The following DNMT1 variants were observed in gnomAD, a reference collection of about 807,000 sequenced individuals.
The protein encoded by DNMT1 is DNA methyltransferase 1, also known as DNA (cytosine-5)-methyltransferase 1.
Under a neutral mutation model 205.3 loss-of-function variants are expected in DNMT1, and 24 were observed. The ratio of observed to expected loss-of-function variants is 0.12; its 90% confidence interval spans 0.08 to 0.16. The LOEUF is 0.16. Among genes scored for constraint, DNMT1 ranks in the 10% least tolerant of loss-of-function variants. DNMT1 has a pLI of 1.00. For missense variants in DNMT1, 1,293 were observed against 2,177.7 expected (o/e 0.59, Z 8.09); for synonymous variants, 817 against 839.8 (o/e 0.97, Z 0.47).
In DNMT1 at chr19:10,140,025, G is replaced by A. The variant is rs754080024; in HGVS notation, c.3806+21C>T. On this transcript the variant is annotated intron_variant, in intron 33 of 40. Transcript: ENST00000359526. This position sits in a 1 kb window ranked among gnomAD's most constrained non-coding sequence, Gnocchi z 8.4. ...CAGCCCCGGGCCGTCTGGCAACACT[G>A]GGGGGCTTCTACCCGTTTACCTGAG... The A allele has an allele frequency of 3.1e-6, 5 of 1,604,910 alleles. No individual in the cohort carries two copies. In the Admixed American group the frequency reaches 6.7e-5, roughly 21 times the overall value.
chr19:10,168,448 C>G, intron 9 of DNMT1, 84 bp from the exon 10 acceptor site: 1 of 1,413,034 alleles, frequency 7.1e-7, no homozygotes, highest in Non-Finnish European at 1.0e-6. Context: ...AAATAAAACA[C>G]CTGAACTGAT....
At chr19:10,148,307 T>C (rs182129421) in intron 27 of DNMT1, among the ~76,000 whole-genome samples, 1,610 of 150,324 alleles carry the variant, frequency 0.011, 21 homozygotes, top group African/African-American at 0.031. Flanking sequence ...CCATCCTGGC[T>C]AACACAGTGA....
In DNMT1 at chr19:10,149,675, G is replaced by T; in HGVS notation, c.2382-18C>A. On this transcript the variant is annotated intron_variant, in intron 25 of 40. Transcript: ENST00000359526. ...CCGTGACCCTGGAATCAGAAGACGG[G>T]CATGGGGAGAAAGTTCTGACTTGGC... 1 of 1,613,204 alleles carries T rather than the reference G, an allele frequency of 6.2e-7. No homozygotes were observed. Among genetic ancestry groups the T allele is most frequent in the Non-Finnish European group, 8.5e-7 (1 of 1,180,026 alleles).
rs776032838 is a variant in DNMT1 at position 10,154,438 on chromosome 19, C to G, written c.1874G>C (p.Arg625Thr). The change falls in exon 22 of 41, where the codon AGG becomes ACG. Residue 625 changes from arginine to threonine, a missense_variant. Coordinates refer to ENST00000359526, the MANE Select transcript of DNMT1 (RefSeq NM_001130823.3). This position sits in a 1 kb window ranked among gnomAD's most constrained non-coding sequence, Gnocchi z 6.3. ...ARRQTIRHSTREKDRGPTKAT... is the reference protein window; with the variant it reads ...ARRQTIRHSTTEKDRGPTKAT... ...TTTCGTGGGTCCCCTGTCCTTCTCC[C>G]TGGTAGAATGCCTGATGGTCTGCCG... The G allele has an allele frequency of 1.2e-6, 2 of 1,614,232 alleles. No homozygotes were observed. Among genetic ancestry groups the G allele is most frequent in the Admixed American group, 3.3e-5 (2 of 60,026 alleles).
chr19:10,148,957 G>A lies in DNMT1; in HGVS notation c.2647C>T (p.Leu883=), dbSNP rs2038268965. 1 of 1,614,194 alleles carries A rather than the reference G, an allele frequency of 6.2e-7. No individual in the cohort carries two copies. Among genetic ancestry groups the A allele is most frequent in the Non-Finnish European group, 8.5e-7 (1 of 1,180,036 alleles). ...GDDGKTYFYQ[L]WYDQDYARFE... ...CTCGCGTAGTCTTGATCATACCACA[G>A]CTGGTAGAAGTAGGTCTTCCCGTCG... The change falls in exon 27 of 41, where the codon CTG becomes TTG. Residue 883 remains leucine (L), a synonymous_variant. Transcript: ENST00000359526.
chr19:10,169,591 G>A (rs941126150), intron 9 of DNMT1, among the ~76,000 whole-genome samples: 5 of 148,642 alleles, frequency 3.4e-5, no homozygotes, highest in South Asian at 2.1e-4. Flanking sequence ...AAATAACCCC[G>A]TCTCTACTAA....
At chr19:10,168,471 T>C in intron 9 of DNMT1, 107 bp from the exon 10 acceptor site, 1 of 1,179,764 alleles carries the variant, frequency 8.5e-7, no homozygotes, top group Non-Finnish European at 1.2e-6. Context: ...TAGAGTCCAC[T>C]GGTGGGAGTA....
At chr19:10,160,477 T>C in intron 13 of DNMT1, 59 bp from the exon 14 acceptor site, 13 of 1,582,696 alleles carry the variant, frequency 8.2e-6, no homozygotes, top group Non-Finnish European at 1.1e-5. Flanking sequence ...ACCCAGATAG[T>C]GCTTCGGTGT....
At chr19:10,135,564 G>A (rs1046928022) in intron 39 of DNMT1, 172 bp downstream of exon 39, 17 of 690,512 alleles carry the variant, frequency 2.5e-5, no homozygotes, top group East Asian at 1.9e-4. Flanking sequence ...AGCCTGACTC[G>A]GATGTCTCAG....
intron 13 of DNMT1, 36 bp downstream of exon 13, chr19:10,162,620 GAAAAAAAAAAA>G (rs573823039): frequency 1.4e-5 from 19 of 1,316,424 alleles, no homozygotes; most frequent in Non-Finnish European, 1.9e-5. Flanking sequence ...CCGTCTTGGG[GAAAAAAAAAAA>G]AAAAAAAAAG....
chr19:10,180,712 T>C (rs758696489), intron 3 of DNMT1, 66 bp downstream of exon 3: 16 of 1,540,430 alleles, frequency 1.0e-5, no homozygotes, highest in Non-Finnish European at 1.4e-5. Flanking sequence ...GCTGCCTCCC[T>C]GGTCACAGAC....
intron 30 of DNMT1, 122 bp downstream of exon 30, chr19:10,141,905 AC>A (rs977988881): frequency 8.2e-7 from 1 of 1,215,046 alleles, no homozygotes; most frequent in African/African-American, 1.5e-5. Context: ...ACGTCAGCCA[AC>A]CACCCACTTC....
At chr19:10,160,900 G>A (rs1337376404) in intron 13 of DNMT1, among the ~76,000 whole-genome samples, 1 of 152,068 alleles carries the variant, frequency 6.6e-6, no homozygotes, top group Non-Finnish European at 1.5e-5. Flanking sequence ...CAAAATAAAT[G>A]AATAAATAAA....
chr19:10,138,331 T>C lies in DNMT1; in HGVS notation c.4115+108A>G. ...GCAGAGCACCGTGTGGCAGGGCAGATGCTGTACCATCCTCTCCTCCCCAAG... is the reference window on the plus strand; with the variant it reads ...GCAGAGCACCGTGTGGCAGGGCAGACGCTGTACCATCCTCTCCTCCCCAAG... On this transcript the variant is annotated intron_variant, in intron 35 of 40. Coordinates refer to ENST00000359526, the MANE Select transcript of DNMT1 (RefSeq NM_001130823.3). This position sits in a 1 kb window ranked among gnomAD's most constrained non-coding sequence, Gnocchi z 4.1. 6.5e-7 allele frequency: 1 copy of C among 1,546,638 alleles called. No homozygotes were observed. The highest frequency in any genetic ancestry group is 8.8e-7 in the Non-Finnish European group (1 of 1,133,256).
chr19:10,141,806 G>C (rs1251531833), intron 30 of DNMT1: 2 of 584,348 alleles, frequency 3.4e-6, no homozygotes, highest in Non-Finnish European at 6.0e-6. Flanking sequence ...AACCAGGAGT[G>C]TTAAACTCCG....
rs114043198 is a variant in DNMT1 at position 10,135,531 on chromosome 19, G to A, written c.4773+205C>T. 4.7e-3 allele frequency: 2,905 copies of A among 613,634 alleles called. 58 individuals are homozygous for A. Among genetic ancestry groups the A allele is most frequent in the African/African-American group, 0.046 (2,539 of 55,168 alleles). The allele number at this position is 613,634 out of a possible 1,614,324, so 38.0% of individuals were successfully genotyped here. A position where few individuals can be genotyped will look rare whatever the true frequency, so the allele number is the denominator to read the frequency against. Reference sequence around the variant, plus strand: ...TCAATCTCTGCCTCAAAAACAAACAGTAAGGAACCAGCATAGGGACGCAGC... The same window carrying A: ...TCAATCTCTGCCTCAAAAACAAACAATAAGGAACCAGCATAGGGACGCAGC... On this transcript the variant is annotated intron_variant, in intron 39 of 40. Coordinates refer to ENST00000359526, the MANE Select transcript of DNMT1 (RefSeq NM_001130823.3).
rs144685297 is a variant in DNMT1, at chr19:10,180,468, G to A, written c.327C>T (p.Asn109=). The A allele has an allele frequency of 2.2e-5, 35 of 1,613,974 alleles. No homozygotes were observed. In the African/African-American group the frequency reaches 3.3e-4, roughly 15 times the overall value. Residue 109 remains asparagine, a synonymous_variant, in exon 4 of 41, where the codon AAC becomes AAT. Coordinates refer to ENST00000359526, the MANE Select transcript of DNMT1 (RefSeq NM_001130823.3). ...YNREVNGRLE[N]GNQARSEARR... is the part of the protein sequence containing the mutation. ...GGGCTTCACTTCTTGCTTGGTTCCC[G>A]TTTTCTAGACGTCCATTCACTTCCC...
rs1007778880 is a variant in DNMT1, at chr19:10,148,354, G to A, written c.2720+530C>T. On this transcript the variant is annotated intron_variant, in intron 27 of 40. Coordinates refer to ENST00000359526, the MANE Select transcript of DNMT1 (RefSeq NM_001130823.3). Reference sequence around the variant, plus strand: ...TACTAAAAATACAAAAAACTAGCCGGGTGTGGTGGCAGGCGCCTGTAGTCC... The same window carrying A: ...TACTAAAAATACAAAAAACTAGCCGAGTGTGGTGGCAGGCGCCTGTAGTCC... Among the ~76,000 whole-genome samples, 99 of 150,332 alleles carry A rather than the reference G, an allele frequency of 6.6e-4. 1 individual carries two copies. Among genetic ancestry groups the A allele is most frequent in the Admixed American group, 4.6e-4 (7 of 15,110 alleles).
In DNMT1 at chr19:10,141,197, G is replaced by T; in HGVS notation, c.3310-8C>A. 1.2e-6 allele frequency: 2 copies of T among 1,613,798 alleles called. No individual in the cohort carries two copies. Among genetic ancestry groups the T allele is most frequent in the Non-Finnish European group, 1.7e-6 (2 of 1,179,892 alleles). On this transcript the variant is annotated splice_polypyrimidine_tract_variant and splice_region_variant and intron_variant, in intron 30 of 40. Coordinates refer to ENST00000359526, the MANE Select transcript of DNMT1 (RefSeq NM_001130823.3). ...GCTCTTTGCATTATAGGCCTGAAAA[G>T]GAGAGAACTGCAATCGTTTGGGAGA... is the stretch of plus-strand genomic sequence containing the variant.
Sources: allele counts gnomAD v4.1 joint callset (sites outside exome capture counted in the v4.1 genomes callset), GRCh38; gene constraint gnomAD v4.1.1; non-coding constraint Gnocchi (gnomAD v3.1); transcripts MANE v1.5; gene names NCBI Gene and HGNC (gene_info 2026-07-23, HGNC 2026-07-21).